TTC29: variants seen among roughly 807,000 people sequenced by gnomAD.
The protein encoded by TTC29 is tetratricopeptide repeat protein 29.
TTC29 carries 49 observed loss-of-function variants against 58.1 expected under a neutral mutation model. The ratio of observed to expected loss-of-function variants is 0.84; its 90% confidence interval spans 0.67 to 1.07. The LOEUF is 1.07. Ranked by LOEUF, TTC29 falls within the 50% of genes least tolerant of loss-of-function variation. TTC29 has a pLI of 0.00. For missense variants in TTC29, 582 were observed against 555.6 expected (o/e 1.05, Z -0.48); for synonymous variants, 209 against 196.8 (o/e 1.06, Z -0.52).
At chr4:146,851,913 G>C (rs1173988355) in intron 8 of TTC29, among the ~76,000 whole-genome samples, 1 of 152,152 alleles carries the variant, frequency 6.6e-6, no homozygotes, top group Non-Finnish European at 1.5e-5. Flanking sequence ...CAAAGCAGTG[G>C]GTCATTTCTA....
At chr4:146,920,925 G>C (rs1194404149) in intron 4 of TTC29, among the ~76,000 whole-genome samples, 2 of 151,106 alleles carry the variant, frequency 1.3e-5, no homozygotes, top group African/African-American at 2.4e-5. Flanking sequence ...GGGTTTTTAA[G>C]TTTCTATTAT....
chr4:146,930,120 C>CACATATATATATATATATAT (rs1560730099), intron 4 of TTC29, among the ~76,000 whole-genome samples: 136 of 44,502 alleles, frequency 3.1e-3, no homozygotes, highest in African/African-American at 6.3e-3. Context: ...TATATATATA[C>CACATATATATATATATATAT]ACACATATAT....
At chr4:146,771,425 C>T (rs947486322) in intron 11 of TTC29, among the ~76,000 whole-genome samples, 2 of 151,950 alleles carry the variant, frequency 1.3e-5, no homozygotes, top group African/African-American at 4.8e-5. Flanking sequence ...CTCTGCCCTC[C>T]AGTAGGCCGA....
chr4:146,734,964 T>A (rs1274019776), intron 11 of TTC29, among the ~76,000 whole-genome samples: 1 of 152,104 alleles, frequency 6.6e-6, no homozygotes, highest in Non-Finnish European at 1.5e-5. Flanking sequence ...AAGTTATCAT[T>A]GAAATTTAGA....
At chr4:146,761,694 T>G (rs575392533) in intron 11 of TTC29, among the ~76,000 whole-genome samples, 23 of 149,772 alleles carry the variant, frequency 1.5e-4, no homozygotes, top group Non-Finnish European at 3.1e-4. Flanking sequence ...TTTGTAGACT[T>G]GTCTCTTTGC....
chr4:146,890,411 G>A (rs191460072), intron 6 of TTC29, among the ~76,000 whole-genome samples: 7 of 152,290 alleles, frequency 4.6e-5, no homozygotes, highest in South Asian at 2.1e-4. Context: ...GAAGCAGGGC[G>A]AGGCATGGGG....
intron 8 of TTC29, among the ~76,000 whole-genome samples, chr4:146,859,099 A>G (rs1351295269): frequency 6.6e-6 from 1 of 152,190 alleles, no homozygotes; most frequent in Admixed American, 6.5e-5. Context: ...ACTGTCATCT[A>G]CATGCAGCCA....
intron 11 of TTC29, among the ~76,000 whole-genome samples, chr4:146,762,376 A>G (rs1746980529): frequency 6.7e-6 from 1 of 149,436 alleles, no homozygotes; most frequent in Non-Finnish European, 1.5e-5. Context: ...GTGAGTCTCA[A>G]TGTCTCTTAA....
At chr4:146,787,045 C>T (rs1438499759) in intron 11 of TTC29, among the ~76,000 whole-genome samples, 1 of 151,868 alleles carries the variant, frequency 6.6e-6, no homozygotes, top group Non-Finnish European at 1.5e-5. Context: ...TGCTTGAGCC[C>T]GGGAGTAAAT....
At chr4:146,749,716 G>A (rs1381720716) in intron 11 of TTC29, among the ~76,000 whole-genome samples, 3 of 152,044 alleles carry the variant, frequency 2.0e-5, no homozygotes, top group East Asian at 1.9e-4. Flanking sequence ...TAGATTCAAC[G>A]CAAAGGGGTC....
In TTC29 at chr4:146,825,644, T is replaced by G. The variant is rs552880215; in HGVS notation, c.978-5396A>C. Among the ~76,000 whole-genome samples the G allele has an allele frequency of 3.9e-5, 6 of 152,304 alleles. No homozygotes were observed. The South Asian group carries it at 1.2e-3, about 32-fold the overall frequency. The stretch of plus-strand genomic sequence containing the variant: ...CACTTGATCCAGAGCTGAGTTCAAG[T>G]CCTGAATATTCTTGTTAATTTTCTG... On this transcript the variant is annotated intron_variant, in intron 9 of 12. Coordinates refer to ENST00000325106, the MANE Select transcript of TTC29 (RefSeq NM_031956.4).
At chr4:146,830,530 A>T (rs1379527707) in intron 9 of TTC29, among the ~76,000 whole-genome samples, 4 of 152,194 alleles carry the variant, frequency 2.6e-5, no homozygotes, top group African/African-American at 9.7e-5. Context: ...TCCTTTAAAG[A>T]TATAAAATAT....
At chr4:146,779,004 G>GAAAAGAAAAAA (rs60876606) in intron 11 of TTC29, among the ~76,000 whole-genome samples, 14 of 79,874 alleles carry the variant, frequency 1.8e-4, no homozygotes, top group Admixed American at 8.2e-4. Flanking sequence ...AAAAAAAAAA[G>GAAAAGAAAAAA]AAAAGAAAAG....
At chr4:146,715,278 T>C (rs1386528789) in intron 11 of TTC29, among the ~76,000 whole-genome samples, 3 of 152,114 alleles carry the variant, frequency 2.0e-5, no homozygotes, top group South Asian at 2.1e-4. Flanking sequence ...AAAAAGGAAA[T>C]AAAATAAATA....
At chr4:146,828,116 A>AT (rs1312904336) in intron 9 of TTC29, among the ~76,000 whole-genome samples, 1 of 152,088 alleles carries the variant, frequency 6.6e-6, no homozygotes, top group Non-Finnish European at 1.5e-5. Context: ...TCACTTTTTC[A>AT]TACTAAAATT....
chr4:146,897,718 C>A (rs968322338), intron 6 of TTC29, among the ~76,000 whole-genome samples: 1 of 152,222 alleles, frequency 6.6e-6, no homozygotes, highest in Non-Finnish European at 1.5e-5. Flanking sequence ...TCTCACAAAG[C>A]AATGCTGCTC....
At chr4:146,889,890 CTTT>C (rs1327824418) in intron 6 of TTC29, among the ~76,000 whole-genome samples, 1 of 151,998 alleles carries the variant, frequency 6.6e-6, no homozygotes, top group Non-Finnish European at 1.5e-5. Flanking sequence ...TGAAAATCAT[CTTT>C]TATTATTTTA....
chr4:146,819,394 GA>G (rs1751664636), intron 10 of TTC29, among the ~76,000 whole-genome samples: 1 of 152,048 alleles, frequency 6.6e-6, no homozygotes, highest in Admixed American at 6.6e-5. Context: ...AACATAATTT[GA>G]GAACATAATT....
At chr4:146,833,634 T>C (rs899087092) in intron 9 of TTC29, among the ~76,000 whole-genome samples, 172 bp downstream of exon 9, 2 of 152,232 alleles carry the variant, frequency 1.3e-5, no homozygotes, top group Non-Finnish European at 2.9e-5. Flanking sequence ...TAGATGCATA[T>C]TTTAAACTAC....
Sources: gnomAD v4.1 joint callset for allele counts (sites outside exome capture counted in the v4.1 genomes callset) on GRCh38, gnomAD v4.1.1 for gene constraint, MANE v1.5 for transcripts, NCBI Gene and HGNC (gene_info 2026-07-23, HGNC 2026-07-21) for gene names.